ADAMTS19: variants seen among roughly 807,000 people sequenced by gnomAD.
ADAMTS19 encodes ADAM metallopeptidase with thrombospondin type 1 motif 19.
ADAMTS19 carries 93 observed loss-of-function variants against 153.3 expected under a neutral mutation model. That is an observed-to-expected ratio of 0.61 (90% CI 0.51 to 0.72). The LOEUF (loss-of-function observed/expected upper bound fraction) is 0.72, where lower values mean the gene tolerates loss of function less well. Among genes scored for constraint, ADAMTS19 ranks in the 30% least tolerant of loss-of-function variants. The probability of loss-of-function intolerance (pLI) is 0.00; values close to 1 mark genes in which losing one functional copy is unlikely to be tolerated. For missense variants in ADAMTS19, 1,482 were observed against 1,552.1 expected (o/e 0.95, Z 0.76); for synonymous variants, 600 against 556.6 (o/e 1.08, Z -1.10).
At chr5:129,563,766 T>C (rs1207507821) in intron 7 of ADAMTS19, among the ~76,000 whole-genome samples, 1 of 152,132 alleles carries the variant, frequency 6.6e-6, no homozygotes, top group Non-Finnish European at 1.5e-5. Flanking sequence ...ATAGAATATA[T>C]TCAGTGTGGT....
intron 16 of ADAMTS19, among the ~76,000 whole-genome samples, chr5:129,672,030 A>G (rs1754324268): frequency 6.6e-6 from 1 of 152,144 alleles, no homozygotes; most frequent in Non-Finnish European, 1.5e-5. Context: ...AACAACAGAA[A>G]TTTATTTCCC....
chr5:129,697,667 G>C (rs1169366414), intron 19 of ADAMTS19, among the ~76,000 whole-genome samples: 2 of 152,204 alleles, frequency 1.3e-5, no homozygotes, highest in Non-Finnish European at 2.9e-5. Flanking sequence ...CTTGCCTACT[G>C]TCAGGTCCTT....
At chr5:129,476,522 C>T (rs1393583823) in intron 2 of ADAMTS19, among the ~76,000 whole-genome samples, 2 of 152,216 alleles carry the variant, frequency 1.3e-5, no homozygotes, top group East Asian at 3.9e-4. Context: ...GTGGATTTCA[C>T]TCACAAACAT....
chr5:129,559,476 G>A (rs75678305), intron 7 of ADAMTS19, among the ~76,000 whole-genome samples: 1 of 152,040 alleles, frequency 6.6e-6, no homozygotes, highest in East Asian at 1.9e-4. Context: ...TCTACCAGTG[G>A]GATTGATGAA....
At chr5:129,559,781 G>A (rs956351481) in intron 7 of ADAMTS19, among the ~76,000 whole-genome samples, 4 of 152,044 alleles carry the variant, frequency 2.6e-5, no homozygotes, top group Non-Finnish European at 4.4e-5. Flanking sequence ...TACATCCCCT[G>A]TCCTTATTGT....
At chr5:129,728,391 T>C (rs975387816) in intron 21 of ADAMTS19, among the ~76,000 whole-genome samples, 6 of 152,310 alleles carry the variant, frequency 3.9e-5, no homozygotes, top group Admixed American at 3.3e-4. Flanking sequence ...CTTTAAGTTT[T>C]AGGGTACATG....
intron 21 of ADAMTS19, among the ~76,000 whole-genome samples, chr5:129,717,943 G>A (rs920754314): frequency 2.0e-5 from 3 of 152,106 alleles, no homozygotes; most frequent in Non-Finnish European, 2.9e-5. Flanking sequence ...TATTTGAAAA[G>A]GAAATTTAAT....
chr5:129,554,417 G>A (rs1753242329), intron 7 of ADAMTS19, among the ~76,000 whole-genome samples: 1 of 152,046 alleles, frequency 6.6e-6, no homozygotes, highest in Non-Finnish European at 1.5e-5. Flanking sequence ...CATTGCCCTA[G>A]TTGAGACATA....
At chr5:129,534,931 T>G (rs116356170) in intron 6 of ADAMTS19, among the ~76,000 whole-genome samples, 2,247 of 152,224 alleles carry the variant, frequency 0.015, 54 homozygotes, top group African/African-American at 0.051. Flanking sequence ...ATCAAAATAA[T>G]AAGAGACAAA....
At chr5:129,481,781 A>G (rs1268922220) in intron 2 of ADAMTS19, among the ~76,000 whole-genome samples, 1 of 152,180 alleles carries the variant, frequency 6.6e-6, no homozygotes, top group African/African-American at 2.4e-5. Context: ...GTGACTTCAG[A>G]TAGCAGCTTG....
chr5:129,463,448 C>T (rs1245416381), intron 2 of ADAMTS19, among the ~76,000 whole-genome samples: 2 of 152,198 alleles, frequency 1.3e-5, no homozygotes, highest in East Asian at 3.8e-4. Context: ...GTTTGACATA[C>T]ATCCCTGTTT....
chr5:129,727,473 TAGTC>T (rs1168896953), intron 21 of ADAMTS19, among the ~76,000 whole-genome samples: 1 of 152,204 alleles, frequency 6.6e-6, no homozygotes, highest in Non-Finnish European at 1.5e-5. Context: ...AGTAGGATAA[TAGTC>T]TAACATGGCA....
In ADAMTS19 at chr5:129,498,798, ATT is replaced by A. The variant is rs10637813; in HGVS notation, c.748-10265_748-10264del. Among the ~76,000 whole-genome samples, 349 of 134,156 alleles carry A rather than the reference ATT, an allele frequency of 2.6e-3. 1 individual carries two copies. Among genetic ancestry groups the A allele is most frequent in the African/African-American group, 8.3e-3 (306 of 36,738 alleles). The allele number at this position is 134,156 out of a possible 152,430, so 88.0% of individuals were successfully genotyped here. Reference sequence around the variant, plus strand: ...TTCTGGCTTCTCTAGCATTCACTCTATTTTTTTTTTTTTTTGATCTTTCTTTG... The same window carrying A: ...TTCTGGCTTCTCTAGCATTCACTCTATTTTTTTTTTTTTGATCTTTCTTTG... On this transcript the variant is annotated intron_variant, in intron 2 of 22. Coordinates refer to ENST00000274487, the MANE Select transcript of ADAMTS19 (RefSeq NM_133638.6).
chr5:129,625,655 C>G (rs1296371063), intron 10 of ADAMTS19, among the ~76,000 whole-genome samples: 2 of 152,164 alleles, frequency 1.3e-5, no homozygotes, highest in African/African-American at 4.8e-5. Context: ...TGAAAAGTGT[C>G]TGGTCATATC....
chr5:129,667,508 A>G (rs1246536254), intron 16 of ADAMTS19, among the ~76,000 whole-genome samples: 1 of 152,080 alleles, frequency 6.6e-6, no homozygotes, highest in Non-Finnish European at 1.5e-5. Flanking sequence ...TTTCTCACAA[A>G]TGGTTTAGCA....
At position 129,461,683 on chromosome 5, in the gene ADAMTS19, G is replaced by T; in HGVS notation, c.673G>T (p.Gly225Cys). 1 of 1,578,972 alleles carries T rather than the reference G, an allele frequency of 6.3e-7. No homozygotes were observed. ...GCAACCTCCCGCGCCACCAGACGCA[G>T]GCTGCTTCTACACCGGAGCTGTGCT... Reference protein sequence around the residue: ...APQPPAPPDAGCFYTGAVLRH... With the variant: ...APQPPAPPDACCFYTGAVLRH... The change falls in exon 2 of 23, where the codon GGC (glycine) becomes TGC (cysteine). Residue 225 changes from glycine to cysteine, a missense_variant. Physicochemically the swap from Gly to Cys is radical, Grantham distance 159. Around this residue, in one of 2 missense-constraint regions of ADAMTS19, gnomAD observed 866 missense variants for 827.7 expected, o/e 1.05. Coordinates refer to ENST00000274487, the MANE Select transcript of ADAMTS19 (RefSeq NM_133638.6). This position sits in a 1 kb window ranked among gnomAD's most constrained non-coding sequence, Gnocchi z 4.6.
intron 2 of ADAMTS19, among the ~76,000 whole-genome samples, chr5:129,494,132 A>G (rs895195038): frequency 6.6e-6 from 1 of 151,628 alleles, no homozygotes; most frequent in African/African-American, 2.4e-5. Context: ...TTTAGTATTA[A>G]TGAAATAAAT....
intron 2 of ADAMTS19, among the ~76,000 whole-genome samples, chr5:129,469,313 G>C (rs1580979487): frequency 6.6e-6 from 1 of 152,108 alleles, no homozygotes; most frequent in Non-Finnish European, 1.5e-5. Context: ...ATTTTCAGAA[G>C]ATTTGTTGGT....
intron 21 of ADAMTS19, among the ~76,000 whole-genome samples, chr5:129,714,503 G>C (rs1242909259): frequency 6.6e-6 from 1 of 151,784 alleles, no homozygotes; most frequent in Non-Finnish European, 1.5e-5. Context: ...TATATAGAGC[G>C]TAATAAATAA....
Sources: allele counts gnomAD v4.1 joint callset (sites outside exome capture counted in the v4.1 genomes callset), GRCh38; gene constraint gnomAD v4.1.1; regional missense constraint gnomAD v4.1.1; non-coding constraint Gnocchi (gnomAD v3.1); transcripts MANE v1.5; gene names NCBI Gene and HGNC (gene_info 2026-07-23, HGNC 2026-07-21).